Variants in BICRAL observed in about 807,000 individuals in gnomAD.
The protein encoded by BICRAL is BRD4-interacting chromatin-remodeling complex-associated protein-like.
In BICRAL, 8 loss-of-function variants were observed where a neutral mutation model predicts 91.8. The ratio of observed to expected loss-of-function variants is 0.09; its 90% CI spans 0.05 to 0.16. BICRAL has a LOEUF of 0.16. Ranked by LOEUF, BICRAL falls within the 10% of genes least tolerant of loss-of-function variation. The pLI, the probability that BICRAL is intolerant of heterozygous loss-of-function variation, is 1.00. For synonymous variants in BICRAL, 445 were observed against 491.1 expected, an observed-to-expected ratio of 0.91 and a Z score of 1.24; for missense variants, 1,038 against 1,310.9, an observed-to-expected ratio of 0.79 and a Z score of 3.21.
intron 10 of BICRAL, among the ~76,000 whole-genome samples, chr6:42,857,614 A>AAAAAAAAAAAAAATATATATATATATAT: frequency 2.1e-5 from 2 of 96,224 alleles, no homozygotes; most frequent in African/African-American, 1.3e-4. Flanking sequence ...AAAAAAAAAA[A>AAAAAAAAAAAAAATATATATATATATAT]ATATATATAT....
rs760216450 is a variant in BICRAL at position 42,829,820 on chromosome 6, G to A, written c.1487G>A (p.Gly496Asp). The change falls in exon 6 of 13, where the codon GGT becomes GAT. Residue 496 changes from glycine (G) to aspartate (D), a missense_variant. By Grantham distance (94) the Gly-to-Asp change is moderately conservative (BLOSUM62 -1). This residue lies in a region of BICRAL where 532 missense variants were observed against 724.9 expected (regional missense o/e 0.73). Transcript: ENST00000314073. ...AATCATGCCTCTCCTCAGCTTGTGG[G>A]TGGACAGATGCCCTTGCAGCAGGCA... Reference protein sequence around the residue: ...IANHASPQLVGGQMPLQQASP... With the variant: ...IANHASPQLVDGQMPLQQASP... 1.2e-6 allele frequency: 2 copies of A among 1,614,224 alleles called. No individual in the cohort carries two copies. The highest frequency in any genetic ancestry group is 1.7e-6 in the Non-Finnish European group (2 of 1,180,048).
intron 10 of BICRAL, among the ~76,000 whole-genome samples, chr6:42,859,728 G>A (rs568878648): frequency 1.3e-5 from 2 of 152,102 alleles, no homozygotes; most frequent in East Asian, 1.9e-4. Flanking sequence ...TGCAAGCTCC[G>A]CCTTCTGGGT....
chr6:42,824,592 C>G (rs891953931), intron 5 of BICRAL, among the ~76,000 whole-genome samples: 2 of 152,180 alleles, frequency 1.3e-5, no homozygotes, highest in African/African-American at 4.8e-5. Flanking sequence ...GATCCCCGCC[C>G]CATTACAGGC....
chr6:42,785,411 G>A (rs1157460137), intron 1 of BICRAL, among the ~76,000 whole-genome samples: 2 of 151,146 alleles, frequency 1.3e-5, no homozygotes, highest in African/African-American at 4.9e-5. Flanking sequence ...ATACAAAAAA[G>A]CTAGCCGAGT....
rs547277986 is a variant in BICRAL at position 42,807,589 on chromosome 6, C to T, written c.-101-2717C>T. ...GATTCTTTTTTTAAAAAATGTGATC[C>T]CTGAGGTCAAGTGATTGAGACCATC... On this transcript the variant is annotated intron_variant, in intron 1 of 12. Transcript: ENST00000314073. Among the ~76,000 whole-genome samples the T allele has an allele frequency of 2.6e-5, 4 of 151,430 alleles. No homozygotes were observed. In the South Asian group the frequency reaches 8.3e-4, roughly 32 times the overall value.
intron 1 of BICRAL, among the ~76,000 whole-genome samples, chr6:42,755,061 A>G (rs1360819390): frequency 2.0e-5 from 3 of 152,234 alleles, no homozygotes; most frequent in Non-Finnish European, 4.4e-5. Flanking sequence ...TCTATAAAGC[A>G]GACAGTGAGG....
At chr6:42,806,413 C>T (rs1037312130) in intron 1 of BICRAL, among the ~76,000 whole-genome samples, 8 of 152,160 alleles carry the variant, frequency 5.3e-5, no homozygotes, top group African/African-American at 1.7e-4. Context: ...AGTGGTGCAG[C>T]GATAGCTCAC....
chr6:42,773,009 C>G (rs1337435731), intron 1 of BICRAL, among the ~76,000 whole-genome samples: 1 of 151,926 alleles, frequency 6.6e-6, no homozygotes, highest in East Asian at 1.9e-4. Flanking sequence ...GAATGATTAC[C>G]CAATAACCCA....
At chr6:42,825,564 C>CA (rs998740505) in intron 5 of BICRAL, among the ~76,000 whole-genome samples, 109 of 119,972 alleles carry the variant, frequency 9.1e-4, no homozygotes, top group Middle Eastern at 8.8e-3. Flanking sequence ...GACTCGGTCT[C>CA]AAAAAAAAAA....
intron 1 of BICRAL, among the ~76,000 whole-genome samples, chr6:42,751,316 T>C (rs1048445292): frequency 2.6e-5 from 4 of 152,182 alleles, no homozygotes; most frequent in African/African-American, 9.6e-5. Flanking sequence ...TTCCTTTTTC[T>C]CTAAATTGTT....
chr6:42,857,802 AT>A (rs1161596399), intron 10 of BICRAL, among the ~76,000 whole-genome samples: 426 of 73,658 alleles, frequency 5.8e-3, no homozygotes, highest in African/African-American at 0.018. Context: ...CATACCCTGA[AT>A]TTTTTTTTTT....
At chr6:42,830,306 C>T in intron 6 of BICRAL, 134 bp downstream of exon 6, 2 of 879,140 alleles carry the variant, frequency 2.3e-6, no homozygotes, top group Non-Finnish European at 3.4e-6. Context: ...TGGCTCATGC[C>T]TGTAATCCCA....
chr6:42,799,529 T>A (rs1178406099), intron 1 of BICRAL, among the ~76,000 whole-genome samples: 1 of 151,284 alleles, frequency 6.6e-6, no homozygotes, highest in East Asian at 2.0e-4. Context: ...CTCTTGACCT[T>A]GTGATCCATG....
intron 2 of BICRAL, among the ~76,000 whole-genome samples, chr6:42,814,736 G>T (rs1440494153): frequency 6.6e-6 from 1 of 151,126 alleles, no homozygotes; most frequent in African/African-American, 2.4e-5. Context: ...TGTTGGCCAG[G>T]CTGGTCTCGA....
chr6:42,792,617 A>G lies in BICRAL; in HGVS notation c.-102+10516A>G, dbSNP rs559021688. ...AGACTTTTTAGAAGTGCAAATAAGT[A>G]TATTTAGAAATTGATGCTGAGTGTG... On this transcript the variant is annotated intron_variant, in intron 1 of 12. Coordinates refer to ENST00000314073, the MANE Select transcript of BICRAL (RefSeq NM_001393499.1). Among the ~76,000 whole-genome samples, 17 of 149,684 alleles carry G rather than the reference A, an allele frequency of 1.1e-4. No individual in the cohort carries two copies. The South Asian group carries it at 2.2e-3, about 19-fold the overall frequency.
chr6:42,863,134 T>C (rs1286913318), intron 12 of BICRAL, among the ~76,000 whole-genome samples: 1 of 150,928 alleles, frequency 6.6e-6, no homozygotes, highest in Non-Finnish European at 1.5e-5. Context: ...CTGCAAGCTC[T>C]ACCTCCCGAG....
Position 42,767,445 on chromosome 6 carries a change from A to G in BICRAL, c.-260-14394A>G, listed in dbSNP as rs187133958. On this transcript the variant is annotated intron_variant, in intron 1 of 14. Coordinates refer to the BICRAL transcript ENST00000614467. ...ACTCTGCTGTCTCAGCTCTGCAAAC[A>G]CAGATGATAGATGGGCATCTCATCT... 2.0e-5 allele frequency among the ~76,000 whole-genome samples: 3 copies of G among 152,318 alleles called. No individual in the cohort carries two copies. The East Asian group carries it at 5.8e-4, about 29-fold the overall frequency.
intron 12 of BICRAL, among the ~76,000 whole-genome samples, chr6:42,863,441 C>A (rs1765618749): frequency 6.6e-6 from 1 of 152,178 alleles, no homozygotes. Flanking sequence ...ATTGTCCTTC[C>A]ATATCATTTT....
intron 2 of BICRAL, among the ~76,000 whole-genome samples, chr6:42,815,731 T>A (rs910821431): frequency 1.3e-5 from 2 of 151,908 alleles, no homozygotes; most frequent in Non-Finnish European, 2.9e-5. Flanking sequence ...CTCCTGACTG[T>A]AATCCCAGCA....
Sources: allele counts gnomAD v4.1 joint callset (sites outside exome capture counted in the v4.1 genomes callset), GRCh38; gene constraint gnomAD v4.1.1; regional missense constraint gnomAD v4.1.1; transcripts MANE v1.5; gene names NCBI Gene and HGNC (gene_info 2026-07-23, HGNC 2026-07-21).